Variants in LAMC3 observed in about 807,000 individuals in gnomAD.
LAMC3 encodes laminin subunit gamma-3.
In LAMC3, 128 loss-of-function variants were observed where a neutral mutation model predicts 173.8. That is an observed-to-expected ratio of 0.74 (90% CI 0.64 to 0.85). LAMC3 has a LOEUF of 0.85. Ranked by LOEUF, LAMC3 falls within the 40% of genes least tolerant of loss-of-function variation. The pLI is 0.00. For synonymous variants in LAMC3, 897 were observed against 909.1 expected, an observed-to-expected ratio of 0.99 and a Z score of 0.24; for missense variants, 2,022 against 2,156.0, an observed-to-expected ratio of 0.94 and a Z score of 1.23.
chr9:131,070,044 C>A (rs1011237899), intron 17 of LAMC3, among the ~76,000 whole-genome samples, 194 bp downstream of exon 17: 1 of 152,222 alleles, frequency 6.6e-6, no homozygotes, highest in African/African-American at 2.4e-5. Flanking sequence ...TCGGCCCTTC[C>A]CCTGCTCTAG....
chr9:131,092,940 G>A lies in LAMC3; in HGVS notation c.*1153G>A, dbSNP rs115372846. The A allele has an allele frequency of 1.0e-2, 1,525 of 152,808 alleles. 20 individuals carry two copies. The highest frequency in any genetic ancestry group is 0.034 in the African/African-American group (1,401 of 41,608). The allele number at this position is 152,808 out of a possible 1,614,324, so 9.5% of individuals were successfully genotyped here. On this transcript the variant is annotated 3_prime_UTR_variant, in exon 28 of 28. Coordinates refer to ENST00000361069, the MANE Select transcript of LAMC3 (RefSeq NM_006059.4). ...AGCAGATGGCAAGGCCTCGGCATTG[G>A]GAAGTCAGGCACCTCTGCGGGCCCA... is the stretch of plus-strand genomic sequence containing the variant.
At position 131,032,192 on chromosome 9, in the gene LAMC3, A is replaced by T. The variant is rs2133236150; in HGVS notation, c.809+17A>T. 1 of 1,386,766 alleles carries T rather than the reference A, an allele frequency of 7.2e-7. No homozygotes were observed. The highest frequency in any genetic ancestry group is 9.6e-7 in the Non-Finnish European group (1 of 1,038,488). 85.9% of individuals were successfully genotyped at this position (1,386,766 alleles called of 1,614,324 possible). A position where few individuals can be genotyped will look rare whatever the true frequency, so the allele number is the denominator to read the frequency against. ...GGGCGGCAGGTAGGAGGGAGGAGGG[A>T]GGCAGGGTGGCAGGGCTCCAGGACC... On this transcript the variant is annotated intron_variant, in intron 3 of 27. Transcript: ENST00000361069.
chr9:131,032,589 TTTCTCA>T (rs1833857030), intron 3 of LAMC3, among the ~76,000 whole-genome samples: 4 of 145,346 alleles, frequency 2.8e-5, no homozygotes, highest in Non-Finnish European at 4.4e-5. Flanking sequence ...GCTTGCTCTC[TTTCTCA>T]CTCGCTTTCT....
chr9:131,076,804 C>T (rs1830136465), intron 21 of LAMC3, among the ~76,000 whole-genome samples: 1 of 152,238 alleles, frequency 6.6e-6, no homozygotes, highest in Non-Finnish European at 1.5e-5. Context: ...CTGGAAAGGG[C>T]ATGGCCGAGC....
chr9:131,063,032 T>C (rs75432639), intron 13 of LAMC3, among the ~76,000 whole-genome samples: 24 of 152,366 alleles, frequency 1.6e-4, no homozygotes, highest in Non-Finnish European at 3.4e-4. Flanking sequence ...GCTTGTTTCA[T>C]GCAGTGTAAT....
chr9:131,031,362 G>T (rs1274735863), intron 2 of LAMC3, among the ~76,000 whole-genome samples: 1 of 152,236 alleles, frequency 6.6e-6, no homozygotes. Context: ...GGGATCAGCA[G>T]GTATTTATCG....
chr9:131,069,705 C>A lies in LAMC3; in HGVS notation c.2924C>A (p.Ala975Asp). The change falls in exon 17 of 28, where the codon GCC (alanine) becomes GAC (aspartate). Residue 975 changes from alanine (A) to aspartate (D), a missense_variant. Transcript: ENST00000361069. ...CRCSPLGAAS[A>D]QCHENGTCVC... ...TGCTCCCCACTGGGCGCTGCCTCGG[C>A]CCAGTGCCACGAGAACGGCACATGC... The A allele has an allele frequency of 6.2e-7, 1 of 1,603,760 alleles. No homozygotes were observed. Among genetic ancestry groups the A allele is most frequent in the South Asian group, 1.1e-5 (1 of 89,162 alleles).
intron 1 of LAMC3, among the ~76,000 whole-genome samples, chr9:131,023,630 T>C (rs1294477859): frequency 1.3e-5 from 2 of 152,328 alleles, no homozygotes. Flanking sequence ...TTTTTTGAGA[T>C]AGAGTCTCAC....
intron 19 of LAMC3, 140 bp downstream of exon 19, chr9:131,072,975 C>T (rs1830062903): frequency 1.2e-6 from 1 of 830,312 alleles, no homozygotes. Context: ...GGGGATCACA[C>T]AGTGCCTCCT....
intron 1 of LAMC3, among the ~76,000 whole-genome samples, chr9:131,014,205 G>C (rs1833478099): frequency 6.6e-6 from 1 of 152,340 alleles, no homozygotes; most frequent in Non-Finnish European, 1.5e-5. Context: ...CATCATCCCT[G>C]TCCACTTCCC....
intron 1 of LAMC3, among the ~76,000 whole-genome samples, chr9:131,010,895 T>A (rs1833404746): frequency 6.6e-6 from 1 of 152,200 alleles, no homozygotes; most frequent in African/African-American, 2.4e-5. Flanking sequence ...TTCAGCCCGA[T>A]TCCCATGTCC....
chr9:131,044,110 C>A (rs1436525284), intron 7 of LAMC3, among the ~76,000 whole-genome samples: 1 of 151,904 alleles, frequency 6.6e-6, no homozygotes, highest in African/African-American at 2.4e-5. Flanking sequence ...AGGCACCCAC[C>A]ACCACGCCTG....
intron 7 of LAMC3, among the ~76,000 whole-genome samples, chr9:131,042,785 A>G (rs1834079361): frequency 6.6e-6 from 1 of 151,192 alleles, no homozygotes; most frequent in Admixed American, 6.6e-5. Flanking sequence ...TCATTCATGG[A>G]GCACTGTCAA....
intron 1 of LAMC3, among the ~76,000 whole-genome samples, chr9:131,018,724 G>A (rs577203728): frequency 2.0e-5 from 3 of 151,998 alleles, no homozygotes; most frequent in South Asian, 2.1e-4. Flanking sequence ...CATCCCACCC[G>A]CTTACTGGAC....
chr9:131,039,337 C>A, intron 6 of LAMC3, 89 bp downstream of exon 6: 1 of 1,072,600 alleles, frequency 9.3e-7, no homozygotes, highest in Non-Finnish European at 1.4e-6. Flanking sequence ...CTCCCCTCCC[C>A]ATCCCTTCCT....
chr9:131,028,592 G>A (rs1022925195), intron 2 of LAMC3, among the ~76,000 whole-genome samples: 6 of 152,180 alleles, frequency 3.9e-5, no homozygotes, highest in Non-Finnish European at 7.3e-5. Context: ...AAGGACTCAC[G>A]GAACTCAGAA....
At chr9:131,032,694 G>T (rs185731123) in intron 3 of LAMC3, among the ~76,000 whole-genome samples, 31 of 151,732 alleles carry the variant, frequency 2.0e-4, no homozygotes, top group African/African-American at 7.3e-4. Context: ...CTCTGAAGGA[G>T]TTTCGCTCTT....
Position 131,049,085 on chromosome 9 carries a change from G to T in LAMC3, c.1585G>T (p.Gly529Trp), listed in dbSNP as rs1834233799. The T allele has an allele frequency of 1.9e-6, 3 of 1,552,250 alleles. No individual in the cohort carries two copies. The South Asian group carries it at 3.6e-5, about 18-fold the overall frequency. Reference protein sequence around the residue: ...SEHPPQWSPNGVLLSPEDEEE... With the variant: ...SEHPPQWSPNWVLLSPEDEEE... ...GCACCCCCCACAATGGAGCCCAAAT[G>T]GGGTCCTCCTGAGCCCAGAAGACGA... Residue 529 changes from glycine (G) to tryptophan (W), a missense_variant, in exon 9 of 28, where the codon GGG (glycine) becomes TGG (tryptophan). Coordinates refer to ENST00000361069, the MANE Select transcript of LAMC3 (RefSeq NM_006059.4).
At chr9:131,045,051 G>A (rs540655127) in intron 7 of LAMC3, among the ~76,000 whole-genome samples, 2 of 152,150 alleles carry the variant, frequency 1.3e-5, no homozygotes, top group South Asian at 2.1e-4. Context: ...GTGAAATCCC[G>A]TTTCTACTAA....
Sources: allele counts gnomAD v4.1 joint callset (sites outside exome capture counted in the v4.1 genomes callset), GRCh38; gene constraint gnomAD v4.1.1; transcripts MANE v1.5; gene names NCBI Gene and HGNC (gene_info 2026-07-23, HGNC 2026-07-21).